The following FAM83B variants were observed in gnomAD, a reference collection of about 807,000 sequenced individuals.
The protein encoded by FAM83B is scaffolding CK1 anchoring protein B, also known as protein FAM83B.
FAM83B carries 26 observed loss-of-function variants against 38.8 expected under a neutral mutation model. The ratio of observed to expected loss-of-function variants is 0.67; its 90% CI spans 0.49 to 0.93. The LOEUF (loss-of-function observed/expected upper bound fraction) is 0.93. Among genes scored for constraint, FAM83B ranks in the 40% least tolerant of loss-of-function variants. The pLI, the probability that FAM83B is intolerant of heterozygous loss-of-function variation, is 0.00. For missense variants in FAM83B, 1,237 were observed against 1,197.3 expected (o/e 1.03, Z -0.49); for synonymous variants, 419 against 423.1 (o/e 0.99, Z 0.12).
intron 2 of FAM83B, among the ~76,000 whole-genome samples, chr6:54,920,920 T>C (rs891664758): frequency 1.3e-5 from 2 of 151,952 alleles, no homozygotes; most frequent in African/African-American, 4.8e-5. Context: ...AATGTAATAA[T>C]GAATCATATT....
chr6:54,898,711 C>G (rs921490435), intron 2 of FAM83B, among the ~76,000 whole-genome samples: 46 of 152,266 alleles, frequency 3.0e-4, no homozygotes, highest in Admixed American at 5.9e-4. Flanking sequence ...TTTCCCGTAC[C>G]TTTCCCTAAC....
chr6:54,871,056 A>G (rs1581890798), intron 2 of FAM83B, among the ~76,000 whole-genome samples: 1 of 152,114 alleles, frequency 6.6e-6, no homozygotes, highest in East Asian at 1.9e-4. Flanking sequence ...GGATATGGTG[A>G]AGTTTTCTTT....
chr6:54,925,807 C>A (rs562675781), intron 2 of FAM83B, among the ~76,000 whole-genome samples: 133 of 152,192 alleles, frequency 8.7e-4, no homozygotes, highest in Non-Finnish European at 4.9e-4. Flanking sequence ...TTGGTATATG[C>A]AGAGGTCCTG....
At chr6:54,858,992 C>T (rs1319012964) in intron 1 of FAM83B, among the ~76,000 whole-genome samples, 1 of 152,088 alleles carries the variant, frequency 6.6e-6, no homozygotes, top group African/African-American at 2.4e-5. Context: ...TTAACATAAG[C>T]AAATATATGT....
At position 54,927,641 on chromosome 6, in the gene FAM83B, A is replaced by G. The variant is rs755861622; in HGVS notation, c.734+9A>G. 2.6e-6 allele frequency: 4 copies of G among 1,552,486 alleles called. No homozygotes were observed. The African/African-American group carries it at 5.6e-5, about 22-fold the overall frequency. ...ATGTACGGTTCTTACAGGTAAGATCATTGTGTTTAACTTCAGTGTTATCAA... is the reference window on the plus strand; with the variant it reads ...ATGTACGGTTCTTACAGGTAAGATCGTTGTGTTTAACTTCAGTGTTATCAA... On this transcript the variant is annotated intron_variant, in intron 4 of 4. Transcript: ENST00000306858.
chr6:54,940,543 T>C lies in FAM83B; in HGVS notation c.1572T>C (p.Asp524=). 1 of 1,614,110 alleles carries C rather than the reference T, an allele frequency of 6.2e-7. No homozygotes were observed. Among genetic ancestry groups the C allele is most frequent in the Non-Finnish European group, 8.5e-7 (1 of 1,180,014 alleles). ...TAGGTGACCGATTTGAGGGCTATGA[T>C]AATCCTGAGAATTTGAAGGCCAATG... ...SALGDRFEGY[D]NPENLKANAL... Residue 524 remains aspartate, a synonymous_variant, in exon 5 of 5, where the codon GAT becomes GAC. Transcript: ENST00000306858.
At chr6:54,925,986 T>C (rs1773278833) in intron 2 of FAM83B, among the ~76,000 whole-genome samples, 1 of 152,164 alleles carries the variant, frequency 6.6e-6, no homozygotes, top group Non-Finnish European at 1.5e-5. Flanking sequence ...AATGACTGGT[T>C]CAAAAAAATC....
chr6:54,875,309 A>G (rs1279236219), intron 2 of FAM83B, among the ~76,000 whole-genome samples: 1 of 152,100 alleles, frequency 6.6e-6, no homozygotes. Flanking sequence ...CTTTGCAACC[A>G]TGTCCTGCCC....
chr6:54,883,851 G>A (rs1274951555), intron 2 of FAM83B, among the ~76,000 whole-genome samples: 1 of 151,270 alleles, frequency 6.6e-6, no homozygotes, highest in South Asian at 2.1e-4. Context: ...TTATTTTAAG[G>A]TTAGCTATTT....
intron 2 of FAM83B, among the ~76,000 whole-genome samples, chr6:54,875,061 G>A (rs1292847053): frequency 6.6e-6 from 1 of 152,110 alleles, no homozygotes; most frequent in Admixed American, 6.6e-5. Context: ...TTTGTCACCA[G>A]GACTCTAACT....
chr6:54,873,154 C>A (rs1446841658), intron 2 of FAM83B, among the ~76,000 whole-genome samples: 2 of 151,966 alleles, frequency 1.3e-5, no homozygotes, highest in East Asian at 1.9e-4. Context: ...TGAATCACCA[C>A]ACCCAGCTGT....
At chr6:54,933,356 A>T (rs1773463610) in intron 4 of FAM83B, among the ~76,000 whole-genome samples, 1 of 147,582 alleles carries the variant, frequency 6.8e-6, no homozygotes, top group Admixed American at 6.7e-5. Context: ...CATTTTCCTG[A>T]TTTTGTTTAC....
rs565857322 is a variant in FAM83B, at chr6:54,907,275, G to C, written c.445-19096G>C. ...TTCTTATTGTTTTATTCAATCAAAT[G>C]GTATTTAAGAATATGCTATTTTTCG... is the stretch of plus-strand genomic sequence containing the variant. On this transcript the variant is annotated intron_variant, in intron 2 of 4. Transcript: ENST00000306858. 6.6e-5 allele frequency among the ~76,000 whole-genome samples: 10 copies of C among 151,934 alleles called. 3 individuals are homozygous for C. Among genetic ancestry groups the C allele is most frequent in the African/African-American group, 2.4e-4 (10 of 41,442 alleles).
intron 2 of FAM83B, among the ~76,000 whole-genome samples, chr6:54,914,593 C>G (rs1464057257): frequency 6.6e-6 from 1 of 152,130 alleles, no homozygotes; most frequent in Non-Finnish European, 1.5e-5. Flanking sequence ...GCTTTCACTC[C>G]AGGGTTGTTG....
At chr6:54,890,461 T>C (rs1302697071) in intron 2 of FAM83B, among the ~76,000 whole-genome samples, 4 of 152,140 alleles carry the variant, frequency 2.6e-5, no homozygotes, top group Admixed American at 2.6e-4. Context: ...GTTATAGATT[T>C]CCCAAAGCTT....
intron 2 of FAM83B, among the ~76,000 whole-genome samples, chr6:54,891,453 A>C (rs1451765088): frequency 6.6e-6 from 1 of 152,046 alleles, no homozygotes; most frequent in Admixed American, 6.6e-5. Context: ...TGTTTTAAAG[A>C]CTTTTAGCTT....
At chr6:54,857,671 A>T (rs1009442177) in intron 1 of FAM83B, among the ~76,000 whole-genome samples, 1 of 152,212 alleles carries the variant, frequency 6.6e-6, no homozygotes, top group Non-Finnish European at 1.5e-5. Context: ...CCAGTGGTAA[A>T]TTAGAATATA....
intron 1 of FAM83B, among the ~76,000 whole-genome samples, chr6:54,868,451 T>C (rs1010121193): frequency 2.0e-5 from 3 of 152,158 alleles, no homozygotes; most frequent in Non-Finnish European, 2.9e-5. Flanking sequence ...CCTAGAATGA[T>C]TGAGAAATTT....
Position 54,939,815 on chromosome 6 carries a change from GT to G in FAM83B, c.845del (p.Val282AlafsTer13). 1 of 1,613,988 alleles carries G rather than the reference GT, an allele frequency of 6.2e-7. No homozygotes were observed. Among genetic ancestry groups the G allele is most frequent in the Non-Finnish European group, 8.5e-7 (1 of 1,179,954 alleles). On this transcript the variant is annotated frameshift_variant, in exon 5 of 5. Coordinates refer to ENST00000306858, the MANE Select transcript of FAM83B (RefSeq NM_001010872.3). LOFTEE classifies it low-confidence loss of function (END_TRUNC). ...EFRTLYARSC[V>X]PSSFAQEESA... ...TAGAACTCTCTATGCCAGATCCTGTGTCCCTAGTTCATTTGCTCAGGAAGAA... is the reference window on the plus strand; with the variant it reads ...TAGAACTCTCTATGCCAGATCCTGTGCCCTAGTTCATTTGCTCAGGAAGAA...
Sources: allele counts gnomAD v4.1 joint callset (sites outside exome capture counted in the v4.1 genomes callset), GRCh38; gene constraint gnomAD v4.1.1; transcripts MANE v1.5; gene names NCBI Gene and HGNC (gene_info 2026-07-23, HGNC 2026-07-21).